The following MMS19 variants were observed in gnomAD, a reference collection of about 807,000 sequenced individuals.
The protein encoded by MMS19 is MMS19 cytosolic iron-sulfur assembly component.
In MMS19, 77 loss-of-function variants were observed where a neutral mutation model predicts 129.8. That is an observed-to-expected ratio of 0.59 (90% CI 0.49 to 0.72). The LOEUF (loss-of-function observed/expected upper bound fraction) is 0.72. Among genes scored for constraint, MMS19 ranks in the 30% least tolerant of loss-of-function variants. The probability of loss-of-function intolerance (pLI) is 0.00; values close to 1 mark genes in which losing one functional copy is unlikely to be tolerated. For synonymous variants in MMS19, 491 were observed against 502.8 expected (o/e 0.98, Z 0.31); for missense variants, 1,168 against 1,266.3 (o/e 0.92, Z 1.18).
At chr10:97,464,909 G>A (rs998228790) in intron 18 of MMS19, among the ~76,000 whole-genome samples, 1 of 151,966 alleles carries the variant, frequency 6.6e-6, no homozygotes, top group Non-Finnish European at 1.5e-5. Context: ...ATGTTGCATC[G>A]GCTGGTTAGG....
chr10:97,498,604 G>A, upstream of MMS19: 1 of 560,260 alleles, frequency 1.8e-6, no homozygotes, highest in South Asian at 2.3e-5. Context: ...GCAGCCGGAG[G>A]CGATTGAGGG....
intron 17 of MMS19, 44 bp downstream of exon 17, chr10:97,466,014 GC>G: frequency 6.2e-7 from 1 of 1,612,034 alleles, no homozygotes. Flanking sequence ...AGGCCCCAAA[GC>G]CTTGCTGGAA....
Position 97,470,797 on chromosome 10 carries a change from GC to G in MMS19, c.748del (p.Ala250LeufsTer14). ...CACCTCAGCAAATCGTGGTGTAGAAGCCAGCACAGCGCGAAGACTCAGGATG... is the reference window on the plus strand; with the variant it reads ...CACCTCAGCAAATCGTGGTGTAGAAGCAGCACAGCGCGAAGACTCAGGATG... ...DLILSLRAVL[A>X]STPRFAEFLL... On this transcript the variant is annotated frameshift_variant, in exon 9 of 31. Transcript: ENST00000438925. LOFTEE classifies it high-confidence loss of function. 6.2e-7 allele frequency: 1 copy of G among 1,613,506 alleles called. No homozygotes were observed. The highest frequency in any genetic ancestry group is 1.1e-5 in the South Asian group (1 of 91,044).
intron 2 of MMS19, among the ~76,000 whole-genome samples, chr10:97,482,889 T>C (rs1241441474): frequency 6.6e-6 from 1 of 151,928 alleles, no homozygotes; most frequent in East Asian, 1.9e-4. Flanking sequence ...GCCTCCCAAG[T>C]AGCTGGAACT....
At position 97,458,918 on chromosome 10, in the gene MMS19, A is replaced by G. The variant is rs1236710832; in HGVS notation, c.2965-18T>C. On this transcript the variant is annotated intron_variant, in intron 29 of 30. Transcript: ENST00000438925. The stretch of plus-strand genomic sequence containing the variant: ...GGCAGCAGCTGTGGAGTCAGAGGAT[A>G]TAATCAACCTTGCTCATCCAAGGCA... 6.2e-7 allele frequency: 1 copy of G among 1,612,724 alleles called. No homozygotes were observed. The highest frequency in any genetic ancestry group is 1.7e-5 in the Admixed American group (1 of 59,992).
intron 8 of MMS19, among the ~76,000 whole-genome samples, chr10:97,476,080 C>A (rs1049463083): frequency 6.6e-6 from 1 of 152,122 alleles, no homozygotes; most frequent in African/African-American, 2.4e-5. Flanking sequence ...GCACACACAC[C>A]CACACGGTGA....
intron 14 of MMS19, 133 bp downstream of exon 14, chr10:97,467,372 T>A: frequency 1.6e-6 from 1 of 639,882 alleles, no homozygotes; most frequent in Non-Finnish European, 2.7e-6. Context: ...CTGTTAAGTG[T>A]TCTCTTGTGC....
At chr10:97,485,769 G>A (rs2037730855) in intron 1 of MMS19, among the ~76,000 whole-genome samples, 1 of 152,210 alleles carries the variant, frequency 6.6e-6, no homozygotes, top group Non-Finnish European at 1.5e-5. Context: ...TAAAGCACTA[G>A]TGAGATATCA....
chr10:97,498,753 AC>A (rs2040259574), upstream of MMS19: 6 of 288,330 alleles, frequency 2.1e-5, 1 homozygote, highest in South Asian at 3.3e-4. Flanking sequence ...GCTGTCGGTC[AC>A]ATGCGCACCT....
At chr10:97,478,665 AAT>A (rs1349868266) in intron 3 of MMS19, among the ~76,000 whole-genome samples, 1 of 152,174 alleles carries the variant, frequency 6.6e-6, no homozygotes, top group Non-Finnish European at 1.5e-5. Flanking sequence ...AGAGTTCACA[AAT>A]TTTTTCCTAA....
In MMS19 at chr10:97,459,691, G is replaced by A. The variant is rs1417413033; in HGVS notation, c.2707C>T (p.Pro903Ser). Residue 903 changes from proline to serine, a missense_variant, in exon 27 of 31, where the codon CCC (proline) becomes TCC (serine). Coordinates refer to ENST00000438925, the MANE Select transcript of MMS19 (RefSeq NM_022362.5). ...KGLSHVLNRL[P>S]KPVLLPELPT... Reference sequence around the variant, plus strand: ...AGCTCTGGCAAGAGTACAGGCTTGGGCAGCCTGTTAAGTACATGAGAAAGA... The same window carrying A: ...AGCTCTGGCAAGAGTACAGGCTTGGACAGCCTGTTAAGTACATGAGAAAGA... 6.2e-7 allele frequency: 1 copy of A among 1,612,660 alleles called. No individual in the cohort carries two copies. The highest frequency in any genetic ancestry group is 8.5e-7 in the Non-Finnish European group (1 of 1,179,310).
intron 2 of MMS19, 76 bp downstream of exon 2, chr10:97,484,027 C>T (rs1366863361): frequency 4.4e-6 from 4 of 917,150 alleles, no homozygotes; most frequent in Non-Finnish European, 6.8e-6. Context: ...TCCAGGAAAG[C>T]AGCAATGCGC....
intron 1 of MMS19, among the ~76,000 whole-genome samples, chr10:97,492,686 TA>T (rs1159316265): frequency 4.1e-3 from 544 of 133,372 alleles, no homozygotes; most frequent in Non-Finnish European, 3.8e-3. Context: ...CTGTTTCTAC[TA>T]AAAAAAAAAA....
chr10:97,480,268 T>A (rs754091663), intron 3 of MMS19: 2 of 462,590 alleles, frequency 4.3e-6, no homozygotes, highest in Non-Finnish European at 8.8e-6. Flanking sequence ...CAGGCGGAGT[T>A]CCCTCTCTTG....
intron 3 of MMS19, chr10:97,480,287 G>A (rs1370814452): frequency 4.3e-6 from 2 of 463,578 alleles, no homozygotes; most frequent in African/African-American, 4.0e-5. Flanking sequence ...TGGCTTTGGA[G>A]CCCCGCTCTG....
chr10:97,470,564 T>C (rs143650777), intron 9 of MMS19, among the ~76,000 whole-genome samples: 83 of 152,318 alleles, frequency 5.4e-4, no homozygotes, highest in African/African-American at 1.7e-3. Context: ...GCTGGAACTA[T>C]AGGTGTGTGC....
intron 1 of MMS19, among the ~76,000 whole-genome samples, chr10:97,492,359 C>T (rs1313859240): frequency 6.6e-6 from 1 of 151,236 alleles, no homozygotes; most frequent in Non-Finnish European, 1.5e-5. Flanking sequence ...CCTGTAGTCC[C>T]AGCTACTTGG....
At position 97,477,409 on chromosome 10, in the gene MMS19, G is replaced by A; in HGVS notation, c.431C>T (p.Pro144Leu). The A allele has an allele frequency of 6.2e-7, 1 of 1,613,962 alleles. No homozygotes were observed. The highest frequency in any genetic ancestry group is 1.1e-5 in the South Asian group (1 of 91,068). Residue 144 changes from proline (P) to leucine (L), a missense_variant, in exon 6 of 31, where the codon CCA becomes CTA. Transcript: ENST00000438925. ...GTAGACTGTGTGTCGGTCCACCTGT[G>A]GCAGGGACTTGGGGGTGGGGGAGAA... The part of the protein sequence containing the change: ...IFQEVHVQSL[P>L]QVDRHTVYNI...
intron 14 of MMS19, among the ~76,000 whole-genome samples, chr10:97,467,180 T>C (rs1334296102): frequency 6.6e-6 from 1 of 152,158 alleles, no homozygotes; most frequent in African/African-American, 2.4e-5. Flanking sequence ...GGTTTCACCA[T>C]ATTGGCCAGG....
Sources: allele counts gnomAD v4.1 joint callset (sites outside exome capture counted in the v4.1 genomes callset), GRCh38; gene constraint gnomAD v4.1.1; transcripts MANE v1.5; gene names NCBI Gene and HGNC (gene_info 2026-07-23, HGNC 2026-07-21).